GPM6B: variants seen among roughly 807,000 people sequenced by gnomAD.
The protein encoded by GPM6B is neuronal membrane glycoprotein M6-b.
GPM6B carries 4 observed loss-of-function variants against 27.2 expected under a neutral mutation model. The observed-to-expected ratio is 0.15, with a 90% CI of 0.07 to 0.34. The LOEUF is 0.34. GPM6B is among the 10% of genes least tolerant of loss of function. The pLI, the probability that GPM6B is intolerant of heterozygous loss-of-function variation, is 1.00. For synonymous variants in GPM6B, 124 were observed against 103.1 expected, an observed-to-expected ratio of 1.20 and a Z score of -1.23; for missense variants, 183 against 261.9, an observed-to-expected ratio of 0.70 and a Z score of 2.08.
intron 1 of GPM6B, among the ~76,000 whole-genome samples, chrX:13,844,546 T>C (rs760785783): frequency 8.9e-6 from 1 of 112,395 alleles, no homozygotes; most frequent in South Asian, 3.7e-4. Flanking sequence ...TTCAGAATTA[T>C]TTGAACAAAT....
intron 1 of GPM6B, among the ~76,000 whole-genome samples, chrX:13,893,099 G>A (rs2050202561): frequency 8.9e-6 from 1 of 111,921 alleles, no homozygotes; most frequent in Admixed American, 9.5e-5. Flanking sequence ...CAGCGGGCCA[G>A]ATTTGGTCCA....
chrX:13,817,516 G>C (rs1052349531), upstream of GPM6B, among the ~76,000 whole-genome samples: 1 of 112,404 alleles, frequency 8.9e-6, no homozygotes, highest in Non-Finnish European at 1.9e-5. Flanking sequence ...GCATAGGCAT[G>C]ACACTTTCTT....
intron 1 of GPM6B, among the ~76,000 whole-genome samples, chrX:13,934,198 C>T (rs376449803): frequency 9.0e-6 from 1 of 110,944 alleles, no homozygotes; most frequent in East Asian, 2.8e-4. Flanking sequence ...CTCAAAATGT[C>T]GGTTTGTGTC....
Position 13,839,158 on chromosome X carries a change from C to A in GPM6B, c.-197-53350G>T, listed in dbSNP as rs1047437153. On this transcript the variant is annotated intron_variant, in intron 1 of 6. Transcript: ENST00000398361. ...TAAGAAGAACCTTGGCTTCCACAAC[C>A]CCCCTTATCTTAACTACTATCATTT... is the stretch of plus-strand genomic sequence containing the variant. 7.2e-5 allele frequency among the ~76,000 whole-genome samples: 8 copies of A among 111,614 alleles called. No homozygotes were observed. In the South Asian group the frequency reaches 3.0e-3, roughly 42 times the overall value.
At chrX:13,816,648 A>T (rs2049240268) in intron 1 of GPM6B, among the ~76,000 whole-genome samples, 196 bp downstream of exon 1, 1 of 111,563 alleles carries the variant, frequency 9.0e-6, no homozygotes, top group South Asian at 3.8e-4. Flanking sequence ...AAAGATTTGG[A>T]ACAGGAATGG....
At chrX:13,779,611 A>G (rs771135743) in intron 5 of GPM6B, among the ~76,000 whole-genome samples, 2 of 112,064 alleles carry the variant, frequency 1.8e-5, no homozygotes, top group South Asian at 3.7e-4. Context: ...AAATATAACG[A>G]AATTTTGATA....
At chrX:13,871,933 C>T (rs1384175250) in intron 1 of GPM6B, among the ~76,000 whole-genome samples, 1 of 111,794 alleles carries the variant, frequency 8.9e-6, no homozygotes, top group Non-Finnish European at 1.9e-5. Flanking sequence ...TCCAGCTGTT[C>T]TTCCAGGTGT....
At chrX:13,850,294 C>T (rs1463217157) in intron 1 of GPM6B, among the ~76,000 whole-genome samples, 2 of 111,708 alleles carry the variant, frequency 1.8e-5, no homozygotes, top group Admixed American at 9.5e-5. Context: ...GCACCTCCTT[C>T]CCCTCTTTCT....
At chrX:13,789,675 T>C in intron 2 of GPM6B, among the ~76,000 whole-genome samples, 1 of 111,206 alleles carries the variant, frequency 9.0e-6, no homozygotes, top group Non-Finnish European at 1.9e-5. Context: ...CTCGGGAGGC[T>C]GAGGCAGGAG....
chrX:13,885,764 T>C (rs1275525420), intron 1 of GPM6B, among the ~76,000 whole-genome samples: 2 of 111,101 alleles, frequency 1.8e-5, no homozygotes, highest in Non-Finnish European at 3.8e-5. Context: ...ACAAGCGTGA[T>C]GGATGGTGCC....
At position 13,771,432 on chromosome X, in the gene GPM6B, A is replaced by G. The variant is rs1225847086; in HGVS notation, c.*1449T>C. The G allele has an allele frequency of 8.9e-6, 1 of 112,013 alleles. No homozygotes were observed. The highest frequency in any genetic ancestry group is 1.9e-5 in the Non-Finnish European group (1 of 53,056). 9.2% of individuals were successfully genotyped at this position (112,013 alleles called of 1,213,427 possible). ...AAATAGGCATTTTTAGGCATTAACC[A>G]AAAAAGAGAATCCAAATGAAATATT... is the stretch of plus-strand genomic sequence containing the variant. On this transcript the variant is annotated 3_prime_UTR_variant, in exon 8 of 8. Transcript: ENST00000316715.
chrX:13,872,042 T>G (rs1487043021), intron 1 of GPM6B, among the ~76,000 whole-genome samples: 1 of 111,317 alleles, frequency 9.0e-6, no homozygotes, highest in East Asian at 2.8e-4. Context: ...AAAATTGAGG[T>G]GGTGCAGCCT....
At chrX:13,914,165 A>T (rs1160356004) in intron 1 of GPM6B, among the ~76,000 whole-genome samples, 2 of 112,427 alleles carry the variant, frequency 1.8e-5, no homozygotes, top group Admixed American at 9.4e-5. Context: ...TCTGAAAGAA[A>T]AATCAAATTA....
intron 2 of GPM6B, among the ~76,000 whole-genome samples, chrX:13,799,736 TAG>T (rs2048886411): frequency 9.0e-6 from 1 of 111,290 alleles, no homozygotes; most frequent in African/African-American, 3.3e-5. Flanking sequence ...ACAGAGAGCT[TAG>T]AGTCTAGTAC....
chrX:13,858,378 T>G (rs1253562179), intron 1 of GPM6B, among the ~76,000 whole-genome samples: 1 of 110,838 alleles, frequency 9.0e-6, no homozygotes, highest in Non-Finnish European at 1.9e-5. Flanking sequence ...GCTGGTGGGG[T>G]GGGTAGGAAG....
intron 1 of GPM6B, among the ~76,000 whole-genome samples, chrX:13,935,589 G>A (rs1921800143): frequency 8.9e-6 from 1 of 112,043 alleles, no homozygotes; most frequent in Middle Eastern, 4.6e-3. Flanking sequence ...GGATACATAA[G>A]CCATATTAAA....
At chrX:13,889,643 G>T (rs960436483) in intron 1 of GPM6B, 1 of 110,398 alleles carries the variant, frequency 9.1e-6, no homozygotes, top group Non-Finnish European at 1.9e-5. Flanking sequence ...CAGAATCATG[G>T]TTTTTTTTAA....
intron 2 of GPM6B, among the ~76,000 whole-genome samples, chrX:13,786,092 T>C (rs959421929): frequency 1.8e-5 from 2 of 112,326 alleles, no homozygotes; most frequent in Admixed American, 1.9e-4. Context: ...AGTTATAAGG[T>C]AGTTACAGTT....
At chrX:13,857,851 T>C (rs1206910782) in intron 1 of GPM6B, among the ~76,000 whole-genome samples, 2 of 112,578 alleles carry the variant, frequency 1.8e-5, no homozygotes, top group Non-Finnish European at 3.8e-5. Flanking sequence ...TTCAATGAGG[T>C]AGATAAACAA....
Sources: allele counts gnomAD v4.1 joint callset (sites outside exome capture counted in the v4.1 genomes callset), GRCh38; gene constraint gnomAD v4.1.1; transcripts MANE v1.5; gene names NCBI Gene and HGNC (gene_info 2026-07-23, HGNC 2026-07-21).